SATL1: variants seen among roughly 807,000 people sequenced by gnomAD.
SATL1 encodes spermidine/spermine N(1)-acetyltransferase-like protein 1.
A neutral mutation model predicts 51.8 loss-of-function variants in SATL1; 47 were observed. That is an observed-to-expected ratio of 0.91 (90% CI 0.72 to 1.16). The LOEUF (loss-of-function observed/expected upper bound fraction) is 1.16, where lower values mean the gene tolerates loss of function less well. Ranked by LOEUF, SATL1 falls within the 50% of genes most tolerant of loss-of-function variation. SATL1 has a pLI of 0.00. For missense variants in SATL1, 520 were observed against 526.4 expected (o/e 0.99, Z 0.12); for synonymous variants, 176 against 182.4 (o/e 0.97, Z 0.28).
chrX:85,231,209 G>T (rs1483007530), intron 1 of SATL1, among the ~76,000 whole-genome samples: 2 of 111,966 alleles, frequency 1.8e-5, no homozygotes, highest in Non-Finnish European at 3.8e-5. Flanking sequence ...GCATACAAAA[G>T]AATACTATTC....
At chrX:85,136,777 T>C (rs1227054518) in intron 2 of SATL1, among the ~76,000 whole-genome samples, 3 of 111,782 alleles carry the variant, frequency 2.7e-5, no homozygotes, top group Non-Finnish European at 5.6e-5. Context: ...TCATAGCAAA[T>C]AGTAAAGTGT....
intron 2 of SATL1, among the ~76,000 whole-genome samples, chrX:85,188,843 A>G (rs1179980193): frequency 8.9e-6 from 1 of 112,033 alleles, no homozygotes; most frequent in Non-Finnish European, 1.9e-5. Flanking sequence ...TTGAATGTTG[A>G]TAAAGAGCAA....
At chrX:85,147,541 AC>A (rs1926289632) in intron 2 of SATL1, among the ~76,000 whole-genome samples, 1 of 113,148 alleles carries the variant, frequency 8.8e-6, no homozygotes, top group Admixed American at 9.3e-5. Context: ...CTGACCCCTG[AC>A]CCCCGAGCAG....
chrX:85,226,015 T>C (rs769938521), intron 1 of SATL1, among the ~76,000 whole-genome samples: 4 of 110,756 alleles, frequency 3.6e-5, no homozygotes, highest in African/African-American at 1.3e-4. Context: ...ATTACTAGAA[T>C]TATATAATTA....
chrX:85,179,795 G>A (rs901195539), intron 2 of SATL1, among the ~76,000 whole-genome samples: 3 of 110,107 alleles, frequency 2.7e-5, no homozygotes, highest in Non-Finnish European at 3.8e-5. Context: ...GGCAAGAAAC[G>A]TTAAGAGACT....
chrX:85,138,602 G>A (rs1926025744), intron 2 of SATL1, among the ~76,000 whole-genome samples: 1 of 111,870 alleles, frequency 8.9e-6, no homozygotes, highest in African/African-American at 3.2e-5. Context: ...GACTCCAGTG[G>A]TTTCTGCTCC....
intron 2 of SATL1, among the ~76,000 whole-genome samples, chrX:85,159,367 T>A (rs986115091): frequency 1.8e-5 from 2 of 111,660 alleles, no homozygotes; most frequent in Non-Finnish European, 3.8e-5. Context: ...CCTCTCAGAT[T>A]AGTGGCAGCA....
chrX:85,157,763 G>A (rs1926630319), intron 2 of SATL1, among the ~76,000 whole-genome samples: 1 of 111,264 alleles, frequency 9.0e-6, no homozygotes, highest in African/African-American at 3.3e-5. Flanking sequence ...ATTTCCTATG[G>A]CTAAATCTCT....
At position 85,108,640 on chromosome X, in the gene SATL1, G is replaced by C. The variant is rs777426142; in HGVS notation, c.329C>G (p.Ser110Trp). ...SKAGISQPDP[S>W]QPGPSQSGPS... ...GCCTGATTGGCTTGGGCCTGGTTGC[G>C]ATGGGTCTGGTTGGCTTATGCCTGC... The change falls in exon 3 of 8, where the codon TCG (serine) becomes TGG (tryptophan). Residue 110 changes from serine (S) to tryptophan (W), a missense_variant. By Grantham distance (177) the Ser-to-Trp change is radical (BLOSUM62 -3). Coordinates refer to ENST00000644105, the MANE Select transcript of SATL1 (RefSeq NM_001367857.2). The C allele has an allele frequency of 1.7e-5, 20 of 1,199,196 alleles. No individual in the cohort carries two copies. Among genetic ancestry groups the C allele is most frequent in the African/African-American group, 3.5e-5 (2 of 56,698 alleles).
At chrX:85,183,628 T>C (rs992955313) in intron 2 of SATL1, among the ~76,000 whole-genome samples, 10 of 111,417 alleles carry the variant, frequency 9.0e-5, no homozygotes, top group Admixed American at 1.9e-4. Context: ...TTTTGTTTTT[T>C]GTTTAGTTTT....
chrX:85,119,039 A>C (rs1230790711), intron 2 of SATL1, among the ~76,000 whole-genome samples: 1 of 112,011 alleles, frequency 8.9e-6, no homozygotes. Flanking sequence ...GTATGTGCCA[A>C]GCTGTTTGAG....
In SATL1 at chrX:85,232,519, G is replaced by A. The variant is rs1928402009; in HGVS notation, c.-434-8193C>T. On this transcript the variant is annotated intron_variant, in intron 1 of 7. Transcript: ENST00000644105. ...TCCCTGAATCCAGGCCTTGGCTCTT[G>A]GATGTCATTTCTAGACTTATATTGG... 4.5e-5 allele frequency among the ~76,000 whole-genome samples: 5 copies of A among 111,742 alleles called. No individual in the cohort carries two copies. The Admixed American group carries it at 4.7e-4, about 11-fold the overall frequency.
At chrX:85,096,855 G>A (rs1385886937) in intron 4 of SATL1, among the ~76,000 whole-genome samples, 10 of 60,480 alleles carry the variant, frequency 1.7e-4, no homozygotes, top group African/African-American at 2.6e-4. Context: ...CCCCACCCCA[G>A]CCCCCTCAAA....
At chrX:85,133,803 T>C (rs987041333) in intron 2 of SATL1, among the ~76,000 whole-genome samples, 4 of 112,217 alleles carry the variant, frequency 3.6e-5, no homozygotes, top group Admixed American at 9.5e-5. Context: ...CTGAAGTGAA[T>C]TATTTTATAT....
intron 2 of SATL1, among the ~76,000 whole-genome samples, chrX:85,128,673 C>T (rs147810349): frequency 0.15 from 17,209 of 111,317 alleles, 1,470 homozygotes; most frequent in African/African-American, 0.32. Context: ...TTGTCTATTT[C>T]GGCTTTTGTT....
Position 85,243,596 on chromosome X carries a change from A to G in SATL1, c.-443T>C, listed in dbSNP as rs1376293395. ...ATTGGGGTGAGGCATACCTCTTATT[A>G]CTCTGGTCAGTCTAATTTGTCAAAT... On this transcript the variant is annotated 5_prime_UTR_variant, in exon 1 of 8. Transcript: ENST00000644105. The G allele has an allele frequency of 1.8e-5, 2 of 110,479 alleles. No individual in the cohort carries two copies. The highest frequency in any genetic ancestry group is 3.8e-5 in the Non-Finnish European group (2 of 52,691). The allele number at this position is 110,479 out of a possible 1,213,427, so 9.1% of individuals were successfully genotyped here.
chrX:85,171,546 C>T (rs1926973256), intron 2 of SATL1, among the ~76,000 whole-genome samples: 1 of 111,130 alleles, frequency 9.0e-6, no homozygotes, highest in Admixed American at 9.6e-5. Context: ...AGTGTAAATA[C>T]CCTCAACCTG....
At chrX:85,164,723 AT>A (rs200523833) in intron 2 of SATL1, among the ~76,000 whole-genome samples, 11,379 of 92,863 alleles carry the variant, frequency 0.12, 628 homozygotes, top group South Asian at 0.17. Context: ...TAGGTGATGA[AT>A]TTTTTTTTTT....
chrX:85,094,778 A>C, intron 5 of SATL1, 138 bp downstream of exon 5: 1 of 442,113 alleles, frequency 2.3e-6, no homozygotes, highest in Non-Finnish European at 4.0e-6. Context: ...AGTACATACC[A>C]TGCATTTTCT....
Sources: gnomAD v4.1 joint callset for allele counts (sites outside exome capture counted in the v4.1 genomes callset) on GRCh38, gnomAD v4.1.1 for gene constraint, MANE v1.5 for transcripts, NCBI Gene and HGNC (gene_info 2026-07-23, HGNC 2026-07-21) for gene names.